The following ADGRG4 variants were observed in gnomAD, a reference collection of about 807,000 sequenced individuals.
The protein encoded by ADGRG4 is G protein-coupled receptor 112.
Under a neutral mutation model 126.2 loss-of-function variants are expected in ADGRG4, and 122 were observed. The observed-to-expected ratio is 0.97, with a 90% CI of 0.83 to 1.12. The LOEUF (loss-of-function observed/expected upper bound fraction) is 1.12, where lower values mean the gene tolerates loss of function less well. Among genes scored for constraint, ADGRG4 ranks in the 50% most tolerant of loss-of-function variants. ADGRG4 has a pLI of 0.00. For synonymous variants in ADGRG4, 943 were observed against 838.7 expected (o/e 1.12, Z -2.15); for missense variants, 2,481 against 2,251.8 (o/e 1.10, Z -2.06).
At position 136,345,818 on chromosome X, in the gene ADGRG4, A is replaced by G. The variant is rs1206080174; in HGVS notation, c.2112A>G (p.Pro704=). 1.2e-5 allele frequency: 15 copies of G among 1,209,903 alleles called. No individual in the cohort carries two copies. The highest frequency in any genetic ancestry group is 1.6e-5 in the Non-Finnish European group (14 of 894,196). ...TATCCGCAACTACCAATATCACCCC[A>G]CTGAAAGCATCTCCAGAGGGCAAAG... ...EYLSATTNIT[P]LKASPEGKGT... Residue 704 remains proline, a synonymous_variant, in exon 6 of 26, where the codon CCA becomes CCG. Transcript: ENST00000394143.
At chrX:136,390,679 C>A (rs1164579388) in intron 16 of ADGRG4, among the ~76,000 whole-genome samples, 2 of 111,709 alleles carry the variant, frequency 1.8e-5, no homozygotes, top group Non-Finnish European at 3.8e-5. Flanking sequence ...GCCTACAGTG[C>A]AAAGGGTGGA....
At chrX:136,334,150 T>G (rs957663096) in intron 5 of ADGRG4, among the ~76,000 whole-genome samples, 24 of 106,277 alleles carry the variant, frequency 2.3e-4, no homozygotes, top group Non-Finnish European at 3.9e-4. Flanking sequence ...TTCTTTTTCT[T>G]TCTTTTTTTT....
At chrX:136,383,803 T>C (rs1226971918) in intron 15 of ADGRG4, among the ~76,000 whole-genome samples, 1 of 108,801 alleles carries the variant, frequency 9.2e-6, no homozygotes, top group Non-Finnish European at 1.9e-5. Context: ...TCTTTAATTA[T>C]ATATATTTGC....
rs548326724 is a variant in ADGRG4, at chrX:136,382,682, A to G, written c.7777-5058A>G. On this transcript the variant is annotated intron_variant, in intron 15 of 25. Transcript: ENST00000394143. ...AGAGATGCCCTAGTGGATCTCCTGTATTCCATGCATACCTTACCTCCGTTG... is the reference window on the plus strand; with the variant it reads ...AGAGATGCCCTAGTGGATCTCCTGTGTTCCATGCATACCTTACCTCCGTTG... Among the ~76,000 whole-genome samples the G allele has an allele frequency of 6.3e-5, 7 of 111,682 alleles. 1 individual carries two copies. The highest frequency in any genetic ancestry group is 2.3e-4 in the African/African-American group (7 of 30,770).
chrX:136,358,199 C>T (rs2075106420), intron 10 of ADGRG4, among the ~76,000 whole-genome samples: 1 of 110,711 alleles, frequency 9.0e-6, no homozygotes, highest in African/African-American at 3.3e-5. Flanking sequence ...AAAAAAGGCC[C>T]ATGAAGAGGT....
intron 16 of ADGRG4, among the ~76,000 whole-genome samples, chrX:136,388,474 C>T (rs2075303197): frequency 1.8e-5 from 2 of 112,372 alleles, no homozygotes; most frequent in African/African-American, 6.5e-5. Flanking sequence ...AAGCAAGTTA[C>T]TCAACCTTCA....
intron 8 of ADGRG4, among the ~76,000 whole-genome samples, chrX:136,355,583 TC>T (rs2075088724): frequency 9.0e-6 from 1 of 111,209 alleles, no homozygotes; most frequent in Non-Finnish European, 1.9e-5. Context: ...ATACTTGCCT[TC>T]CCCCACCCCT....
intron 7 of ADGRG4, among the ~76,000 whole-genome samples, chrX:136,352,271 C>A (rs1031366375): frequency 3.6e-5 from 4 of 111,605 alleles, no homozygotes; most frequent in Admixed American, 2.9e-4. Flanking sequence ...AAATCATACA[C>A]TTTAACAGAT....
At chrX:136,377,340 G>A (rs1231630420) in intron 15 of ADGRG4, among the ~76,000 whole-genome samples, 1 of 107,782 alleles carries the variant, frequency 9.3e-6, no homozygotes, top group Admixed American at 1.0e-4. Context: ...CCACAGGCAC[G>A]CACCACCATG....
intron 14 of ADGRG4, among the ~76,000 whole-genome samples, chrX:136,371,921 C>T (rs180736838): frequency 2.7e-5 from 3 of 111,214 alleles, no homozygotes; most frequent in African/African-American, 6.5e-5. Context: ...TACGAACGGA[C>T]GACTGTATAT....
At position 136,372,921 on chromosome X, in the gene ADGRG4, C is replaced by A; in HGVS notation, c.7633C>A (p.Arg2545Ser). 2.5e-6 allele frequency: 3 copies of A among 1,210,991 alleles called. No individual in the cohort carries two copies. The highest frequency in any genetic ancestry group is 3.4e-6 in the Non-Finnish European group (3 of 894,851). Reference protein sequence around the residue: ...ISNEILRIIERTGHKMEFSGQ... With the variant: ...ISNEILRIIESTGHKMEFSGQ... The stretch of plus-strand genomic sequence containing the variant: ...TTGCAGAATTCTGAGGATAATTGAG[C>A]GTACTGGTCACAAGATGGAGTTTTC... The change falls in exon 15 of 26, where the codon CGT becomes AGT. Residue 2545 changes from arginine to serine, a missense_variant. Transcript: ENST00000394143.
intron 3 of ADGRG4, among the ~76,000 whole-genome samples, chrX:136,308,285 T>C (rs1262716503): frequency 8.9e-6 from 1 of 111,801 alleles, no homozygotes; most frequent in Non-Finnish European, 1.9e-5. Flanking sequence ...TTTTTTGGTA[T>C]TTTTAGTAGA....
chrX:136,399,037 C>T lies in ADGRG4; in HGVS notation c.8307-811C>T, dbSNP rs139063799. Among the ~76,000 whole-genome samples the T allele has an allele frequency of 8.7e-3, 980 of 112,192 alleles. 10 individuals are homozygous for T. The highest frequency in any genetic ancestry group is 0.03 in the African/African-American group (919 of 30,897). On this transcript the variant is annotated intron_variant, in intron 20 of 25. Coordinates refer to ENST00000394143, the MANE Select transcript of ADGRG4 (RefSeq NM_153834.4). ...AAAGGAAGCCAGAAAAATAAGACAACGTACTGTGTGGTTCCATTTACAAAA... is the reference window on the plus strand; with the variant it reads ...AAAGGAAGCCAGAAAAATAAGACAATGTACTGTGTGGTTCCATTTACAAAA...
At chrX:136,407,412 T>A (rs2075420255) in intron 23 of ADGRG4, among the ~76,000 whole-genome samples, 1 of 111,843 alleles carries the variant, frequency 8.9e-6, no homozygotes, top group Non-Finnish European at 1.9e-5. Flanking sequence ...TTGTGGTCAT[T>A]GTTAATCCTT....
chrX:136,342,077 C>T (rs181207867), intron 5 of ADGRG4, among the ~76,000 whole-genome samples: 2 of 111,872 alleles, frequency 1.8e-5, no homozygotes, highest in Admixed American at 1.9e-4. Flanking sequence ...TTCCACTTAT[C>T]CACGTCTGAA....
chrX:136,399,382 T>C (rs1300282649), intron 20 of ADGRG4, among the ~76,000 whole-genome samples: 1 of 111,822 alleles, frequency 8.9e-6, no homozygotes, highest in Non-Finnish European at 1.9e-5. Flanking sequence ...TGAAAAATAC[T>C]GGGTGAGTTT....
chrX:136,323,577 AACACACACACAC>A (rs138686053), intron 5 of ADGRG4, among the ~76,000 whole-genome samples, 185 bp downstream of exon 5: 10 of 94,011 alleles, frequency 1.1e-4, no homozygotes, highest in Non-Finnish European at 1.3e-4. Context: ...AGGATAGAAG[AACACACACACAC>A]ACACACACAC....
At chrX:136,369,214 G>A (rs1255271436) in intron 13 of ADGRG4, among the ~76,000 whole-genome samples, 1 of 112,546 alleles carries the variant, frequency 8.9e-6, no homozygotes, top group Non-Finnish European at 1.9e-5. Flanking sequence ...AAGCCAGTAA[G>A]TTTTAGGGTG....
At chrX:136,387,260 C>T (rs2075296771) in intron 15 of ADGRG4, among the ~76,000 whole-genome samples, 1 of 112,148 alleles carries the variant, frequency 8.9e-6, no homozygotes, top group African/African-American at 3.2e-5. Context: ...GCCTCACTTC[C>T]CTGCTTCACT....
Sources: gnomAD v4.1 joint callset for allele counts (sites outside exome capture counted in the v4.1 genomes callset) on GRCh38, gnomAD v4.1.1 for gene constraint, MANE v1.5 for transcripts, NCBI Gene and HGNC (gene_info 2026-07-23, HGNC 2026-07-21) for gene names.